The following ADGB variants were observed in gnomAD, a reference collection of about 807,000 sequenced individuals.
The protein encoded by ADGB is androglobin, also known as calpain-7-like protein.
In ADGB, 172 loss-of-function variants were observed where a neutral mutation model predicts 210.5. The observed-to-expected ratio is 0.82, with a 90% CI of 0.72 to 0.93. The LOEUF is 0.93. ADGB is among the 40% of genes least tolerant of loss of function. ADGB has a pLI of 0.00. For missense variants in ADGB, 2,025 were observed against 1,964.8 expected (o/e 1.03, Z -0.58); for synonymous variants, 658 against 662.7 (o/e 0.99, Z 0.11).
chr6:146,691,459 A>AATATATATAT (rs1776319367), intron 11 of ADGB, among the ~76,000 whole-genome samples, 169 bp downstream of exon 11: 15 of 44,720 alleles, frequency 3.4e-4, no homozygotes, highest in African/African-American at 2.9e-3. Context: ...TATATATATA[A>AATATATATAT]AAATATATAT....
In ADGB at chr6:146,801,727, CCA is replaced by C. The variant is rs1414811839; in HGVS notation, c.4635-97_4635-96del. On this transcript the variant is annotated intron_variant, in intron 34 of 35. Transcript: ENST00000397944. ...CTAATGTTTTATTTGACTCAGACCA[CCA>C]CACTGTTGATATGATTTAAAATTAT... The C allele has an allele frequency of 5.9e-6, 6 of 1,020,522 alleles. No individual in the cohort carries two copies. The African/African-American group carries it at 8.4e-5, about 14-fold the overall frequency. The allele number at this position is 1,020,522 out of a possible 1,614,324, so 63.2% of individuals were successfully genotyped here.
At chr6:146,626,685 T>A (rs1359481849) in intron 1 of ADGB, among the ~76,000 whole-genome samples, 1 of 151,982 alleles carries the variant, frequency 6.6e-6, no homozygotes, top group African/African-American at 2.4e-5. Context: ...TTCCTTTAAC[T>A]GCTTTTAAAA....
chr6:146,783,010 T>A (rs929065962), intron 30 of ADGB, among the ~76,000 whole-genome samples: 5 of 152,186 alleles, frequency 3.3e-5, no homozygotes, highest in African/African-American at 1.2e-4. Flanking sequence ...GATACCCTAG[T>A]GGCTTTTAAG....
intron 7 of ADGB, among the ~76,000 whole-genome samples, chr6:146,670,818 A>T (rs1340997): frequency 0.76 from 115,482 of 151,582 alleles, 43,992 homozygotes; most frequent in South Asian, 0.86. Flanking sequence ...AATGAGAATT[A>T]AAAAAAAAAT....
At chr6:146,629,544 G>A (rs1304772638) in intron 1 of ADGB, among the ~76,000 whole-genome samples, 2 of 152,178 alleles carry the variant, frequency 1.3e-5, no homozygotes, top group East Asian at 3.9e-4. Context: ...CAGTGAAGAA[G>A]CAAAACATAA....
intron 1 of ADGB, among the ~76,000 whole-genome samples, chr6:146,626,807 G>T: frequency 6.6e-6 from 1 of 150,536 alleles, no homozygotes. Flanking sequence ...TAGGTTTATA[G>T]TTTTCATAAA....
At chr6:146,721,641 C>T in intron 17 of ADGB, 136 bp downstream of exon 17, 1 of 578,716 alleles carries the variant, frequency 1.7e-6, no homozygotes, top group South Asian at 2.1e-5. Flanking sequence ...AGTCCTAGGC[C>T]AGCCTGACCA....
chr6:146,746,089 T>C lies in ADGB; in HGVS notation c.3345T>C (p.Asn1115=), dbSNP rs925224850. The change falls in exon 26 of 36, where the codon AAT becomes AAC. Residue 1115 remains asparagine, a synonymous_variant. Transcript: ENST00000397944. ...IKEIRDYYIP[N]DKKILFRYSV... is the part of the protein sequence containing the mutation. Reference sequence around the variant, plus strand: ...AAATCCGAGATTACTACATACCCAATGATAAGAAAATTTTATTCAGGTACA... The same window carrying C: ...AAATCCGAGATTACTACATACCCAACGATAAGAAAATTTTATTCAGGTACA... 2 of 1,542,284 alleles carry C rather than the reference T, an allele frequency of 1.3e-6. No homozygotes were observed. Among genetic ancestry groups the C allele is most frequent in the African/African-American group, 1.4e-5 (1 of 72,782 alleles).
At chr6:146,688,104 A>G (rs1776256967) in intron 10 of ADGB, among the ~76,000 whole-genome samples, 1 of 152,136 alleles carries the variant, frequency 6.6e-6, no homozygotes. Context: ...TGAAGATACA[A>G]TGATAAGCAA....
intron 2 of ADGB, 81 bp downstream of exon 2, chr6:146,635,618 A>G (rs1775408591): frequency 1.3e-5 from 18 of 1,351,504 alleles, no homozygotes; most frequent in Non-Finnish European, 1.7e-5. Flanking sequence ...ATAAAAAGGT[A>G]TTCATTCTTC....
At chr6:146,691,042 T>C (rs1484714594) in intron 10 of ADGB, 74 bp from the exon 11 acceptor site, 3 of 1,314,464 alleles carry the variant, frequency 2.3e-6, no homozygotes, top group Admixed American at 3.0e-5. Flanking sequence ...CTGTTCGTGA[T>C]AGTATTTTTA....
At chr6:146,692,043 T>A (rs749318245) in intron 11 of ADGB, among the ~76,000 whole-genome samples, 5 of 152,112 alleles carry the variant, frequency 3.3e-5, no homozygotes, top group Non-Finnish European at 7.4e-5. Flanking sequence ...AAATGTTATA[T>A]TTTGGTTAAA....
chr6:146,685,264 T>C (rs1776214961), intron 9 of ADGB, among the ~76,000 whole-genome samples: 1 of 151,970 alleles, frequency 6.6e-6, no homozygotes, highest in South Asian at 2.1e-4. Flanking sequence ...GCCTTACTTC[T>C]TCATGGAAAA....
At chr6:146,676,242 AATGACTGAATAAGAAAT>A in intron 8 of ADGB, 54 bp from the exon 9 acceptor site, 1 of 1,349,946 alleles carries the variant, frequency 7.4e-7, no homozygotes, top group Non-Finnish European at 9.8e-7. Flanking sequence ...TCTTTAAGAC[AATGACTGAATAAGAAAT>A]ATAGTTTGAG....
chr6:146,667,067 GGTA>G (rs1373978921), intron 7 of ADGB, among the ~76,000 whole-genome samples, 165 bp downstream of exon 7: 2 of 151,798 alleles, frequency 1.3e-5, no homozygotes, highest in African/African-American at 4.8e-5. Context: ...GGAATTTCAG[GGTA>G]AATTCTATTT....
intron 35 of ADGB, among the ~76,000 whole-genome samples, chr6:146,809,117 A>C (rs1231713026): frequency 6.6e-6 from 1 of 152,010 alleles, no homozygotes; most frequent in East Asian, 1.9e-4. Context: ...GATAATGGGA[A>C]TAGGAGCCTA....
At chr6:146,602,962 T>C (rs1258631472) in intron 1 of ADGB, among the ~76,000 whole-genome samples, 1 of 152,196 alleles carries the variant, frequency 6.6e-6, no homozygotes, top group Admixed American at 6.5e-5. Flanking sequence ...GCTGCTCTAC[T>C]TAATTCACAG....
At chr6:146,810,960 T>A (rs259375) in intron 35 of ADGB, among the ~76,000 whole-genome samples, 1 of 152,042 alleles carries the variant, frequency 6.6e-6, no homozygotes, top group Non-Finnish European at 1.5e-5. Context: ...CAAACCATCC[T>A]GTGGTATACT....
In ADGB at chr6:146,621,742, C is replaced by T. The variant is rs187841994; in HGVS notation, c.75-13633C>T. Among the ~76,000 whole-genome samples, 8 of 152,232 alleles carry T rather than the reference C, an allele frequency of 5.3e-5. No individual in the cohort carries two copies. In the South Asian group the frequency reaches 8.3e-4, roughly 16 times the overall value. On this transcript the variant is annotated intron_variant, in intron 1 of 35. Coordinates refer to ENST00000397944, the MANE Select transcript of ADGB (RefSeq NM_024694.4). ...TCTATTCTGTCATCTTGCTGTCACT[C>T]ATAATTATTTTAATATTCACTGTCC...
Sources: allele counts gnomAD v4.1 joint callset (sites outside exome capture counted in the v4.1 genomes callset), GRCh38; gene constraint gnomAD v4.1.1; transcripts MANE v1.5; gene names NCBI Gene and HGNC (gene_info 2026-07-23, HGNC 2026-07-21).